Variants in DPP10 observed in about 807,000 individuals in gnomAD.
DPP10 encodes inactive dipeptidyl peptidase 10.
In DPP10, 33 loss-of-function variants were observed where a neutral mutation model predicts 120.9. The observed-to-expected ratio is 0.27, with a 90% CI of 0.21 to 0.37. The LOEUF (loss-of-function observed/expected upper bound fraction) is 0.37. Ranked by LOEUF, DPP10 falls within the 10% of genes least tolerant of loss-of-function variation. DPP10 has a pLI of 1.00. For synonymous variants in DPP10, 337 were observed against 326.1 expected, an observed-to-expected ratio of 1.03 and a Z score of -0.36; for missense variants, 816 against 942.8, an observed-to-expected ratio of 0.87 and a Z score of 1.76.
In DPP10 at chr2:115,617,287, T is replaced by TA. The variant is rs1446102925; in HGVS notation, c.442-72399dup. 2.5e-5 allele frequency among the ~76,000 whole-genome samples: 3 copies of TA among 121,908 alleles called. No individual in the cohort carries two copies. In the South Asian group the frequency reaches 8.5e-4, roughly 34 times the overall value. 80.0% of individuals were successfully genotyped at this position (121,908 alleles called of 152,430 possible). A position where few individuals can be genotyped will look rare whatever the true frequency, so the allele number is the denominator to read the frequency against. On this transcript the variant is annotated intron_variant, in intron 5 of 25. Transcript: ENST00000410059. ...TATATATTTTTTATATATATATATA[T>TA]ATACACACATAGCATATATGTATAT...
At chr2:115,137,615 G>T (rs1333294391) in intron 1 of DPP10, among the ~76,000 whole-genome samples, 1 of 152,202 alleles carries the variant, frequency 6.6e-6, no homozygotes, top group Admixed American at 6.5e-5. Flanking sequence ...CCAGGCTCTA[G>T]TTAAGAAGAG....
intron 1 of DPP10, among the ~76,000 whole-genome samples, chr2:114,496,742 A>G (rs968238205): frequency 1.3e-5 from 2 of 152,006 alleles, no homozygotes; most frequent in African/African-American, 4.8e-5. Context: ...TCAACTATCT[A>G]TGAGGGGTCA....
At chr2:115,172,032 T>A (rs1392326585) in intron 1 of DPP10, among the ~76,000 whole-genome samples, 1 of 152,204 alleles carries the variant, frequency 6.6e-6, no homozygotes, top group Admixed American at 6.5e-5. Flanking sequence ...ACACTCAGCA[T>A]GAATAAGCAA....
intron 5 of DPP10, among the ~76,000 whole-genome samples, chr2:115,621,592 G>C (rs1294219398): frequency 6.6e-6 from 1 of 152,078 alleles, no homozygotes; most frequent in African/African-American, 2.4e-5. Flanking sequence ...TAACTCCGAG[G>C]TGTATTTTCA....
intron 1 of DPP10, among the ~76,000 whole-genome samples, chr2:115,160,596 A>C (rs2052235876): frequency 6.6e-6 from 1 of 152,000 alleles, no homozygotes; most frequent in Non-Finnish European, 1.5e-5. Flanking sequence ...TGAACACCTA[A>C]ATATTCAACT....
intron 1 of DPP10, among the ~76,000 whole-genome samples, chr2:115,135,059 C>T (rs1048800167): frequency 9.9e-5 from 15 of 151,948 alleles, no homozygotes; most frequent in Admixed American, 9.2e-4. Flanking sequence ...CTGGAGAACA[C>T]TGAAGAAGGC....
At chr2:115,446,350 C>T (rs1189692594) in intron 3 of DPP10, among the ~76,000 whole-genome samples, 1 of 152,212 alleles carries the variant, frequency 6.6e-6, no homozygotes, top group Non-Finnish European at 1.5e-5. Flanking sequence ...ACAGAGTCCC[C>T]ACTGGGGCAC....
intron 3 of DPP10, among the ~76,000 whole-genome samples, chr2:115,349,456 A>T (rs2106292259): frequency 6.6e-6 from 1 of 152,248 alleles, no homozygotes; most frequent in Admixed American, 6.5e-5. Flanking sequence ...GGTAAAAGTT[A>T]AAAAAAGAAA....
intron 1 of DPP10, among the ~76,000 whole-genome samples, chr2:114,481,932 A>AAGAAG (rs1261379458): frequency 6.7e-6 from 1 of 148,498 alleles, no homozygotes; most frequent in Non-Finnish European, 1.5e-5. Flanking sequence ...AGGAAGAGAA[A>AAGAAG]GAGAAGAAGG....
chr2:115,501,648 C>T (rs928450417), intron 4 of DPP10, among the ~76,000 whole-genome samples: 3 of 151,914 alleles, frequency 2.0e-5, no homozygotes, highest in South Asian at 4.2e-4. Context: ...TGTCTAAATT[C>T]GATGTCGGGC....
At chr2:115,441,222 G>A (rs1029376071) in intron 3 of DPP10, among the ~76,000 whole-genome samples, 4 of 152,098 alleles carry the variant, frequency 2.6e-5, no homozygotes, top group African/African-American at 9.7e-5. Flanking sequence ...AAAAAAGGGG[G>A]AAATAGATAA....
chr2:115,567,855 G>A (rs2081097510), intron 5 of DPP10, among the ~76,000 whole-genome samples: 1 of 152,184 alleles, frequency 6.6e-6, no homozygotes, highest in Non-Finnish European at 1.5e-5. Context: ...ATTGAAATGT[G>A]TTGTCATACT....
At chr2:115,833,636 G>A (rs948960919) in intron 21 of DPP10, among the ~76,000 whole-genome samples, 9 of 152,134 alleles carry the variant, frequency 5.9e-5, no homozygotes, top group Admixed American at 6.5e-5. Flanking sequence ...CTGACCCTAT[G>A]TGATGGGTCA....
At chr2:115,058,324 C>T (rs1170076208) in intron 1 of DPP10, among the ~76,000 whole-genome samples, 4 of 147,162 alleles carry the variant, frequency 2.7e-5, no homozygotes, top group Non-Finnish European at 6.0e-5. Flanking sequence ...TAGTTAACAC[C>T]CAGCTTCTAC....
intron 3 of DPP10, among the ~76,000 whole-genome samples, chr2:115,481,290 G>C (rs1379554444): frequency 1.3e-5 from 2 of 152,186 alleles, no homozygotes; most frequent in African/African-American, 2.4e-5. Flanking sequence ...CATGAATAAA[G>C]AGTTGCTCAA....
At chr2:114,780,900 T>A (rs1170725996) in intron 1 of DPP10, among the ~76,000 whole-genome samples, 1 of 152,152 alleles carries the variant, frequency 6.6e-6, no homozygotes, top group Non-Finnish European at 1.5e-5. Flanking sequence ...TTGGGAAGAT[T>A]ATTCTATTGA....
At chr2:114,481,847 A>G (rs1308342968) in intron 1 of DPP10, among the ~76,000 whole-genome samples, 1 of 151,656 alleles carries the variant, frequency 6.6e-6, no homozygotes, top group Admixed American at 6.6e-5. Context: ...GGCAAAGGGG[A>G]AGCAAGCATG....
Position 114,574,805 on chromosome 2 carries a change from G to A in DPP10, c.60+131967G>A, listed in dbSNP as rs76070764. On this transcript the variant is annotated intron_variant, in intron 1 of 25. Coordinates refer to ENST00000410059, the MANE Select transcript of DPP10 (RefSeq NM_020868.6). ...TTTGAAAACATTGGAGGGAGGCAGT[G>A]AAAGTTTCTCCAAGGGCTTTACTGG... Among the ~76,000 whole-genome samples, 1,484 of 152,320 alleles carry A rather than the reference G, an allele frequency of 9.7e-3. 26 individuals are homozygous for A. The highest frequency in any genetic ancestry group is 0.033 in the African/African-American group (1,380 of 41,564).
intron 1 of DPP10, among the ~76,000 whole-genome samples, chr2:114,647,912 C>T (rs1696262465): frequency 6.6e-6 from 1 of 151,862 alleles, no homozygotes; most frequent in South Asian, 2.1e-4. Context: ...TCTCCTGTTC[C>T]TGGTGTTGAG....
Sources: allele counts gnomAD v4.1 joint callset (sites outside exome capture counted in the v4.1 genomes callset), GRCh38; gene constraint gnomAD v4.1.1; transcripts MANE v1.5; gene names NCBI Gene and HGNC (gene_info 2026-07-23, HGNC 2026-07-21).